Variants in TMEM44 observed in about 807,000 individuals in gnomAD.
TMEM44 encodes transmembrane protein 44.
Under a neutral mutation model 47.8 loss-of-function variants are expected in TMEM44, and 43 were observed. The ratio of observed to expected loss-of-function variants is 0.90; its 90% CI spans 0.70 to 1.16. TMEM44 has a LOEUF of 1.16. TMEM44 is among the 50% of genes most tolerant of loss of function. The probability of loss-of-function intolerance (pLI) is 0.00; values close to 1 mark genes in which losing one functional copy is unlikely to be tolerated. For synonymous variants in TMEM44, 277 were observed against 238.8 expected (o/e 1.16, Z -1.48); for missense variants, 568 against 555.2 (o/e 1.02, Z -0.23).
At position 194,613,094 on chromosome 3, in the gene TMEM44, C is replaced by T. The variant is rs78709203; in HGVS notation, c.913-2074G>A. On this transcript the variant is annotated intron_variant, in intron 7 of 9. Coordinates refer to ENST00000347147, the MANE Select transcript of TMEM44 (RefSeq NM_001011655.3). ...ATCTGTTTAAATCAATAAAAGGAGA[C>T]GCATTAACTTTAGCCGGTGGCATGA... Among the ~76,000 whole-genome samples the T allele has an allele frequency of 3.3e-3, 500 of 152,234 alleles. 3 individuals carry two copies. The highest frequency in any genetic ancestry group is 0.011 in the African/African-American group (461 of 41,536).
rs1277836850 is a variant in TMEM44 at position 194,604,370 on chromosome 3, A to G, written c.1093T>C (p.Ser365Pro). 1 of 1,561,712 alleles carries G rather than the reference A, an allele frequency of 6.4e-7. No homozygotes were observed. The highest frequency in any genetic ancestry group is 2.4e-5 in the East Asian group (1 of 41,572). Residue 365 changes from serine to proline, a missense_variant, in exon 9 of 10, where the codon TCG (serine) becomes CCG (proline). By Grantham distance (74) the Ser-to-Pro change is moderately conservative. Coordinates refer to ENST00000347147, the MANE Select transcript of TMEM44 (RefSeq NM_001011655.3). ...CGGATGACCTGAACGGGAGGGTACG[A>G]CGGGGGGTCCTGCAGGGACGCATCT... ...AGDASLQDPPSYPPVQVIRAR... is the reference protein window; with the variant it reads ...AGDASLQDPPPYPPVQVIRAR...
rs751257409 is a variant in TMEM44 at position 194,623,218 on chromosome 3, C to T, written c.612+6G>A. 6.2e-7 allele frequency: 1 copy of T among 1,604,940 alleles called. No individual in the cohort carries two copies. The highest frequency in any genetic ancestry group is 2.2e-5 in the East Asian group (1 of 44,590). On this transcript the variant is annotated splice_donor_region_variant and intron_variant, in intron 5 of 9. Coordinates refer to ENST00000347147, the MANE Select transcript of TMEM44 (RefSeq NM_001011655.3). ...CCCACAGTCCCATCCCCACCCCCGG[C>T]CTCACAATTCTGGAGAGAGGGGGGA...
rs1325525769 is a variant in TMEM44, at chr3:194,611,493, A to T, written c.913-473T>A. The stretch of plus-strand genomic sequence containing the variant: ...GCATTCCAGCCTAGGGGACAGAGTG[A>T]GACCCTGTCGTACAAACAAAACAAA... On this transcript the variant is annotated intron_variant, in intron 7 of 9. Coordinates refer to ENST00000347147, the MANE Select transcript of TMEM44 (RefSeq NM_001011655.3). The surrounding 1 kb of genome is among the most constrained non-coding windows in gnomAD (Gnocchi z 4.2). Among the ~76,000 whole-genome samples the T allele has an allele frequency of 6.6e-6, 1 of 152,224 alleles. No homozygotes were observed. Among genetic ancestry groups the T allele is most frequent in the Non-Finnish European group, 1.5e-5 (1 of 68,040 alleles).
rs2108609232 is a variant in TMEM44, at chr3:194,633,226, G to A, written c.-11C>T. Reference sequence around the variant, plus strand: ...GGGCGCCTCCCCCATGGCGCGGCTGGGCGCGCGGCGCGGGGCCGGGGACCT... The same window carrying A: ...GGGCGCCTCCCCCATGGCGCGGCTGAGCGCGCGGCGCGGGGCCGGGGACCT... On this transcript the variant is annotated 5_prime_UTR_variant, in exon 1 of 10. Coordinates refer to ENST00000347147, the MANE Select transcript of TMEM44 (RefSeq NM_001011655.3). 1.5e-6 allele frequency: 2 copies of A among 1,369,162 alleles called. No homozygotes were observed. Among genetic ancestry groups the A allele is most frequent in the Middle Eastern group, 2.8e-4 (1 of 3,608 alleles). 84.8% of individuals were successfully genotyped at this position (1,369,162 alleles called of 1,614,324 possible).
chr3:194,600,005 C>A (rs1713894047), intron 9 of TMEM44, among the ~76,000 whole-genome samples: 1 of 152,116 alleles, frequency 6.6e-6, no homozygotes, highest in African/African-American at 2.4e-5. Flanking sequence ...GGTAATCCAC[C>A]CGCCTCAGCC....
chr3:194,615,549 A>ACCT lies in TMEM44; in HGVS notation c.912+17_912+19dup, dbSNP rs1262468946. The ACCT allele has an allele frequency of 6.2e-7, 1 of 1,612,494 alleles. No individual in the cohort carries two copies. Among genetic ancestry groups the ACCT allele is most frequent in the African/African-American group, 1.3e-5 (1 of 74,788 alleles). ...GGACCAGAGTTTTCCAGCCAGAGAGACCTTGTCCTCGTTCCTCACCTCCTG... is the reference window on the plus strand; with the variant it reads ...GGACCAGAGTTTTCCAGCCAGAGAGACCTCCTTGTCCTCGTTCCTCACCTCCTG... On this transcript the variant is annotated intron_variant, in intron 7 of 9. Coordinates refer to ENST00000347147, the MANE Select transcript of TMEM44 (RefSeq NM_001011655.3).
chr3:194,624,980 G>C (rs893162670), intron 3 of TMEM44, among the ~76,000 whole-genome samples: 1 of 152,110 alleles, frequency 6.6e-6, no homozygotes, highest in Admixed American at 6.5e-5. Context: ...GCCTCCCAAA[G>C]TGCTGGGATT....
chr3:194,596,281 A>G (rs3856611), intron 9 of TMEM44, among the ~76,000 whole-genome samples: 52,535 of 152,054 alleles, frequency 0.35, 9,852 homozygotes, highest in East Asian at 0.77. Flanking sequence ...CATCGCAATC[A>G]GGAGCTCCTG....
intron 9 of TMEM44, among the ~76,000 whole-genome samples, chr3:194,598,816 G>GT (rs1713722938): frequency 6.6e-6 from 1 of 151,628 alleles, no homozygotes; most frequent in African/African-American, 2.4e-5. Flanking sequence ...CAGAGTTAAG[G>GT]TGCCAAATCA....
chr3:194,597,649 CA>C (rs532223669), intron 9 of TMEM44, among the ~76,000 whole-genome samples: 8,545 of 99,808 alleles, frequency 0.086, 765 homozygotes, highest in African/African-American at 0.27. Flanking sequence ...GACTCTGTCT[CA>C]AAAAAAAAAA....
intron 5 of TMEM44, among the ~76,000 whole-genome samples, chr3:194,621,246 C>G (rs1264653657): frequency 6.6e-6 from 1 of 152,172 alleles, no homozygotes; most frequent in Non-Finnish European, 1.5e-5. Flanking sequence ...GCTACCCGAA[C>G]CTGGGAGAGG....
chr3:194,594,117 TTCTA>T (rs370424904), intron 9 of TMEM44, among the ~76,000 whole-genome samples: 11,504 of 85,300 alleles, frequency 0.13, 536 homozygotes, highest in Middle Eastern at 0.17. Context: ...TGGCCTAATT[TTCTA>T]TCTATCTATC....
intron 1 of TMEM44, 56 bp from the exon 2 acceptor site, chr3:194,628,565 C>T: frequency 6.5e-7 from 1 of 1,531,088 alleles, no homozygotes. Context: ...GACCCAAACG[C>T]ATGTATCTAA....
intron 9 of TMEM44, among the ~76,000 whole-genome samples, chr3:194,598,951 G>A (rs1026503267): frequency 1.3e-5 from 2 of 152,224 alleles, no homozygotes; most frequent in Non-Finnish European, 2.9e-5. Flanking sequence ...AACGGAAGCC[G>A]AGTTGGTGAG....
At chr3:194,603,412 T>C (rs760989973) in intron 9 of TMEM44, among the ~76,000 whole-genome samples, 22 of 152,180 alleles carry the variant, frequency 1.4e-4, no homozygotes, top group Non-Finnish European at 2.9e-4. Context: ...GACTTTTTTT[T>C]TTTTAGATGG....
chr3:194,603,342 A>C (rs768324953), intron 9 of TMEM44, among the ~76,000 whole-genome samples: 6 of 152,170 alleles, frequency 3.9e-5, no homozygotes, highest in Non-Finnish European at 7.3e-5. Flanking sequence ...AGCAGGATGT[A>C]GCTGGTGCTC....
At chr3:194,594,109 G>A (rs1713081046) in intron 9 of TMEM44, among the ~76,000 whole-genome samples, 1 of 88,582 alleles carries the variant, frequency 1.1e-5, no homozygotes, top group African/African-American at 3.0e-5. Context: ...ACAGCACCTG[G>A]CCTAATTTTC....
intron 3 of TMEM44, among the ~76,000 whole-genome samples, chr3:194,625,003 C>T (rs530217116): frequency 9.2e-5 from 14 of 152,274 alleles, no homozygotes; most frequent in African/African-American, 3.1e-4. Flanking sequence ...AGGTGTGGGC[C>T]ACCATGCCCG....
chr3:194,594,153 A>ATCTATCTATCTATCTGTCTGTCTGTCTG (rs772169628), intron 9 of TMEM44, among the ~76,000 whole-genome samples: 1,638 of 148,388 alleles, frequency 0.011, 26 homozygotes, highest in Admixed American at 0.016. Context: ...CTATCTATCT[A>ATCTATCTATCTATCTGTCTGTCTGTCTG]TCTATCTATC....
Sources: allele counts gnomAD v4.1 joint callset (sites outside exome capture counted in the v4.1 genomes callset), GRCh38; gene constraint gnomAD v4.1.1; non-coding constraint Gnocchi (gnomAD v3.1); transcripts MANE v1.5; gene names NCBI Gene and HGNC (gene_info 2026-07-23, HGNC 2026-07-21).